RPH3A: variants seen among roughly 807,000 people sequenced by gnomAD.
RPH3A encodes rabphilin-3A.
In RPH3A, 48 loss-of-function variants were observed where a neutral mutation model predicts 102.2. The observed-to-expected ratio is 0.47, with a 90% CI of 0.37 to 0.60. The LOEUF is 0.60. Ranked by LOEUF, RPH3A falls within the 20% of genes least tolerant of loss-of-function variation. The probability of loss-of-function intolerance (pLI) is 0.00; values close to 1 mark genes in which losing one functional copy is unlikely to be tolerated. For synonymous variants in RPH3A, 310 were observed against 324.3 expected, an observed-to-expected ratio of 0.96 and a Z score of 0.47; for missense variants, 781 against 910.1, an observed-to-expected ratio of 0.86 and a Z score of 1.83.
chr12:112,665,412 C>A (rs1592932920), intron 1 of RPH3A, among the ~76,000 whole-genome samples: 1 of 152,292 alleles, frequency 6.6e-6, no homozygotes, highest in East Asian at 1.9e-4. Flanking sequence ...ACTTTCAGGA[C>A]TCAGACTATC....
Position 112,841,173 on chromosome 12 carries a change from T to TAAA in RPH3A, c.83+4690_83+4692dup, listed in dbSNP as rs11447068. On this transcript the variant is annotated intron_variant, in intron 4 of 21. Transcript: ENST00000389385. ...GGCAACATAACAAGACCTTGTTTCT[T>TAAA]AAAAAAAAAAAAAAAAAAAAAGCCT... 9.0e-3 allele frequency among the ~76,000 whole-genome samples: 298 copies of TAAA among 33,266 alleles called. 10 individuals carry two copies. The highest frequency in any genetic ancestry group is 0.014 in the South Asian group (10 of 692). 21.8% of individuals were successfully genotyped at this position (33,266 alleles called of 152,430 possible).
At chr12:112,837,941 A>C in intron 4 of RPH3A, 1 of 405,540 alleles carries the variant, frequency 2.5e-6, no homozygotes, top group Admixed American at 2.7e-5. Context: ...ATAAACACTT[A>C]CCCCAAGTAC....
intron 2 of RPH3A, among the ~76,000 whole-genome samples, chr12:112,804,459 C>A (rs1321917332): frequency 2.0e-5 from 3 of 152,194 alleles, no homozygotes; most frequent in African/African-American, 7.2e-5. Context: ...GAAACCACAC[C>A]CCTGTGTGTG....
intron 1 of RPH3A, among the ~76,000 whole-genome samples, chr12:112,580,560 C>T (rs544894797): frequency 2.4e-4 from 37 of 152,006 alleles, no homozygotes; most frequent in East Asian, 1.2e-3. Context: ...CCCGCCACCA[C>T]GCCCGGCTAA....
intron 1 of RPH3A, among the ~76,000 whole-genome samples, chr12:112,698,237 A>C (rs2040366855): frequency 6.6e-6 from 1 of 152,242 alleles, no homozygotes; most frequent in Non-Finnish European, 1.5e-5. Flanking sequence ...CATATATTAC[A>C]TCATATACAA....
At chr12:112,636,883 T>C (rs2039852566) in intron 1 of RPH3A, among the ~76,000 whole-genome samples, 1 of 152,142 alleles carries the variant, frequency 6.6e-6, no homozygotes, top group Non-Finnish European at 1.5e-5. Context: ...TACTATATTT[T>C]AAAAATCTGT....
At chr12:112,583,116 T>G (rs147179885) in intron 1 of RPH3A, among the ~76,000 whole-genome samples, 2 of 152,338 alleles carry the variant, frequency 1.3e-5, no homozygotes, top group Non-Finnish European at 2.9e-5. Flanking sequence ...TCATGCTTTA[T>G]TAAGTCCTCA....
In RPH3A at chr12:112,822,776, C is replaced by G. The variant is rs552163831; in HGVS notation, c.-18-5525C>G. 1.1e-4 allele frequency among the ~76,000 whole-genome samples: 17 copies of G among 152,336 alleles called. No homozygotes were observed. The South Asian group carries it at 3.5e-3, about 32-fold the overall frequency. On this transcript the variant is annotated intron_variant, in intron 2 of 21. Coordinates refer to ENST00000389385, the MANE Select transcript of RPH3A (RefSeq NM_001143854.2). ...CAGTTATCCCATCTGTAAAATGGGA[C>G]AAGAAGAGCACATACCTCATAAGGC... is the stretch of plus-strand genomic sequence containing the variant.
intron 1 of RPH3A, among the ~76,000 whole-genome samples, chr12:112,595,188 G>A (rs1254993898): frequency 3.3e-5 from 5 of 152,130 alleles, no homozygotes; most frequent in African/African-American, 1.2e-4. Flanking sequence ...TTTTTACATG[G>A]CTATGAGTTA....
In RPH3A at chr12:112,680,769, C is replaced by T. The variant is rs117113797; in HGVS notation, c.-140+105450C>T. 3.1e-4 allele frequency among the ~76,000 whole-genome samples: 47 copies of T among 152,280 alleles called. 1 individual carries two copies. In the East Asian group the frequency reaches 6.0e-3, roughly 19 times the overall value. ...TCCTTTTTCTCTTGATCAATTTTGCCTGTCTCCCACAACATTCATCTCTTT... is the reference window on the plus strand; with the variant it reads ...TCCTTTTTCTCTTGATCAATTTTGCTTGTCTCCCACAACATTCATCTCTTT... On this transcript the variant is annotated intron_variant, in intron 1 of 21. Transcript: ENST00000543106.
intron 1 of RPH3A, among the ~76,000 whole-genome samples, chr12:112,730,193 G>C (rs1241095802): frequency 6.6e-6 from 1 of 152,186 alleles, no homozygotes; most frequent in African/African-American, 2.4e-5. Flanking sequence ...TCTAGCTTCC[G>C]ACTGTGAGAC....
intron 1 of RPH3A, among the ~76,000 whole-genome samples, chr12:112,705,481 G>A (rs1182617871): frequency 6.6e-6 from 1 of 152,176 alleles, no homozygotes; most frequent in East Asian, 1.9e-4. Context: ...GAGGTTTATA[G>A]TTCAATGGTA....
At chr12:112,761,207 C>A (rs887839851) in intron 1 of RPH3A, among the ~76,000 whole-genome samples, 1 of 152,104 alleles carries the variant, frequency 6.6e-6, no homozygotes, top group Non-Finnish European at 1.5e-5. Context: ...CAAAGGGATT[C>A]CAGTTTGGGT....
At chr12:112,836,608 C>A in intron 4 of RPH3A, 106 bp downstream of exon 4, 1 of 425,378 alleles carries the variant, frequency 2.4e-6, no homozygotes, top group South Asian at 6.9e-5. Flanking sequence ...AAAAAAGGAA[C>A]TAGCAAATTT....
intron 1 of RPH3A, among the ~76,000 whole-genome samples, chr12:112,589,303 G>A (rs1004171984): frequency 2.0e-5 from 3 of 151,996 alleles, no homozygotes; most frequent in African/African-American, 4.8e-5. Context: ...TCCTCCTTAG[G>A]GCTAATCAAA....
intron 1 of RPH3A, among the ~76,000 whole-genome samples, chr12:112,708,550 G>T (rs1165166889): frequency 6.6e-6 from 1 of 152,326 alleles, no homozygotes; most frequent in East Asian, 1.9e-4. Context: ...GGAGGAGCTG[G>T]TGGGGAGCAA....
intron 2 of RPH3A, among the ~76,000 whole-genome samples, chr12:112,821,747 C>T (rs2041783568): frequency 6.6e-6 from 1 of 152,130 alleles, no homozygotes; most frequent in Non-Finnish European, 1.5e-5. Context: ...TACTTGTTTG[C>T]TTATTGTCAG....
chr12:112,864,624 C>T (rs1229322854), intron 5 of RPH3A, among the ~76,000 whole-genome samples: 1 of 152,130 alleles, frequency 6.6e-6, no homozygotes, highest in Non-Finnish European at 1.5e-5. Flanking sequence ...GTAACTAGAG[C>T]AATGATTCTC....
chr12:112,844,627 C>T (rs1158997541), intron 4 of RPH3A, among the ~76,000 whole-genome samples: 1 of 152,226 alleles, frequency 6.6e-6, no homozygotes, highest in African/African-American at 2.4e-5. Flanking sequence ...TAAGCCCCCA[C>T]ATTTGTAAGA....
Sources: allele counts gnomAD v4.1 joint callset (sites outside exome capture counted in the v4.1 genomes callset), GRCh38; gene constraint gnomAD v4.1.1; transcripts MANE v1.5; gene names NCBI Gene and HGNC (gene_info 2026-07-23, HGNC 2026-07-21).